Variants in PCDH7 observed in about 807,000 individuals in gnomAD.
The protein encoded by PCDH7 is protocadherin-7.
In PCDH7, 17 loss-of-function variants were observed where a neutral mutation model predicts 58.9. That is an observed-to-expected ratio of 0.29 (90% CI 0.20 to 0.43). The LOEUF (loss-of-function observed/expected upper bound fraction) is 0.43, where lower values mean the gene tolerates loss of function less well. Ranked by LOEUF, PCDH7 falls within the 20% of genes least tolerant of loss-of-function variation. The pLI is 1.00. For synonymous variants in PCDH7, 664 were observed against 616.4 expected (o/e 1.08, Z -1.14); for missense variants, 1,274 against 1,441.0 (o/e 0.88, Z 1.88).
At chr4:30,792,235 G>T (rs1454321658) in intron 1 of PCDH7, among the ~76,000 whole-genome samples, 1 of 152,128 alleles carries the variant, frequency 6.6e-6, no homozygotes, top group Non-Finnish European at 1.5e-5. Flanking sequence ...TTGCTTGTTT[G>T]AAACTACTTT....
intron 3 of PCDH7, among the ~76,000 whole-genome samples, chr4:31,101,836 G>A (rs545594097): frequency 1.3e-5 from 2 of 152,288 alleles, no homozygotes; most frequent in Admixed American, 6.5e-5. Flanking sequence ...TGTTCCCCTT[G>A]TGTGCTTGTT....
At chr4:30,988,001 G>T (rs1181918153) in intron 3 of PCDH7, among the ~76,000 whole-genome samples, 1 of 152,050 alleles carries the variant, frequency 6.6e-6, no homozygotes, top group Non-Finnish European at 1.5e-5. Context: ...CTGAGCTAAG[G>T]CAAGAATATA....
At chr4:30,835,532 T>A (rs1296354888) in intron 1 of PCDH7, among the ~76,000 whole-genome samples, 1 of 152,148 alleles carries the variant, frequency 6.6e-6, no homozygotes, top group African/African-American at 2.4e-5. Flanking sequence ...GGGTCCCTGA[T>A]GCCAAAAAGG....
intron 3 of PCDH7, among the ~76,000 whole-genome samples, chr4:31,138,824 A>C (rs1446511368): frequency 1.3e-5 from 2 of 152,080 alleles, no homozygotes; most frequent in Non-Finnish European, 2.9e-5. Flanking sequence ...ACAATACAAA[A>C]ATTAGCCAGG....
intron 3 of PCDH7, among the ~76,000 whole-genome samples, chr4:31,042,566 C>T (rs759747165): frequency 6.6e-6 from 1 of 151,998 alleles, no homozygotes; most frequent in Non-Finnish European, 1.5e-5. Flanking sequence ...TAACTCCTAA[C>T]TTAGTTTCTT....
At chr4:30,990,881 TAAG>T (rs1284980814) in intron 3 of PCDH7, among the ~76,000 whole-genome samples, 7 of 152,196 alleles carry the variant, frequency 4.6e-5, no homozygotes, top group African/African-American at 1.7e-4. Flanking sequence ...TGCATATTGT[TAAG>T]AATAATAATC....
intron 1 of PCDH7, among the ~76,000 whole-genome samples, chr4:30,896,112 G>A (rs1017963625): frequency 2.0e-5 from 3 of 152,076 alleles, no homozygotes; most frequent in Admixed American, 1.3e-4. Context: ...ATATTCTAAT[G>A]GCATTTTTTA....
chr4:30,742,883 A>G (rs1003100341), intron 1 of PCDH7, among the ~76,000 whole-genome samples: 1 of 152,222 alleles, frequency 6.6e-6, no homozygotes, highest in Non-Finnish European at 1.5e-5. Context: ...ATGCCATCAT[A>G]TTAGTGGTTA....
intron 1 of PCDH7, among the ~76,000 whole-genome samples, chr4:30,754,137 T>C (rs1718943366): frequency 6.6e-6 from 1 of 151,494 alleles, no homozygotes; most frequent in African/African-American, 2.4e-5. Flanking sequence ...TATTCAAAAC[T>C]GTCAAGATTT....
chr4:31,040,426 A>G, intron 3 of PCDH7, among the ~76,000 whole-genome samples: 1 of 152,326 alleles, frequency 6.6e-6, no homozygotes, highest in East Asian at 1.9e-4. Flanking sequence ...ATAAAGGGAA[A>G]GGATGTTCTT....
intron 3 of PCDH7, among the ~76,000 whole-genome samples, chr4:31,055,272 A>G (rs1757059998): frequency 6.6e-6 from 1 of 152,164 alleles, no homozygotes; most frequent in Non-Finnish European, 1.5e-5. Flanking sequence ...TCAGTTTTTT[A>G]GAGCATTTTC....
chr4:31,005,088 A>G (rs1408639746), intron 3 of PCDH7, among the ~76,000 whole-genome samples: 1 of 152,234 alleles, frequency 6.6e-6, no homozygotes, highest in Non-Finnish European at 1.5e-5. Context: ...AGTGTAGTTA[A>G]GCGTATGTGG....
In PCDH7 at chr4:31,055,530, T is replaced by C. The variant is rs542939357; in HGVS notation, c.*8-86943T>C. ...CCTTAGTAAACATCTAGCAACATAC[T>C]AGGTCCTAGAGTTGAGCCTTATAAT... On this transcript the variant is annotated intron_variant, in intron 3 of 3. Coordinates refer to the PCDH7 transcript ENST00000509759. 2.6e-5 allele frequency among the ~76,000 whole-genome samples: 4 copies of C among 152,234 alleles called. No homozygotes were observed. In the South Asian group the frequency reaches 8.3e-4, roughly 32 times the overall value.
intron 1 of PCDH7, among the ~76,000 whole-genome samples, chr4:30,792,653 A>T (rs898112527): frequency 6.6e-6 from 1 of 152,154 alleles, no homozygotes; most frequent in Non-Finnish European, 1.5e-5. Flanking sequence ...GAGATCAGGT[A>T]CAGCTCAGTC....
intron 3 of PCDH7, among the ~76,000 whole-genome samples, chr4:31,075,815 T>G (rs918462280): frequency 1.3e-5 from 2 of 152,192 alleles, no homozygotes; most frequent in African/African-American, 4.8e-5. Context: ...CCTTTTATTA[T>G]TTTTTGAATC....
rs548874957 is a variant in PCDH7 at position 30,800,989 on chromosome 4, A to G, written c.70+76393A>G. ...CTGCTGATAGAGTGGAGGGCAGTTT[A>G]TGGTGAAAGCTCTGGAAGGAGGGAT... On this transcript the variant is annotated intron_variant, in intron 1 of 3. Coordinates refer to the PCDH7 transcript ENST00000509759. 3.3e-5 allele frequency among the ~76,000 whole-genome samples: 5 copies of G among 152,354 alleles called. No individual in the cohort carries two copies. The East Asian group carries it at 9.6e-4, about 29-fold the overall frequency.
chr4:30,766,065 A>G (rs1164773708), intron 1 of PCDH7, among the ~76,000 whole-genome samples: 1 of 151,692 alleles, frequency 6.6e-6, no homozygotes, highest in African/African-American at 2.4e-5. Context: ...TCACAGGAAA[A>G]GTGGCTGGGG....
At chr4:30,728,771 A>G (rs997991647) in intron 1 of PCDH7, among the ~76,000 whole-genome samples, 8 of 151,528 alleles carry the variant, frequency 5.3e-5, no homozygotes, top group Non-Finnish European at 8.9e-5. Context: ...TAAATATGGC[A>G]AAATCATTTT....
chr4:30,843,165 C>T (rs1251362625), intron 1 of PCDH7, among the ~76,000 whole-genome samples: 1 of 151,098 alleles, frequency 6.6e-6, no homozygotes, highest in East Asian at 1.9e-4. Context: ...TTTTTGGACA[C>T]TTCTTCACAT....
Sources: allele counts gnomAD v4.1 joint callset (sites outside exome capture counted in the v4.1 genomes callset), GRCh38; gene constraint gnomAD v4.1.1; transcripts MANE v1.5; gene names NCBI Gene and HGNC (gene_info 2026-07-23, HGNC 2026-07-21).